Variants in LRRC63 observed in about 807,000 individuals in gnomAD.
LRRC63 encodes leucine-rich repeat-containing protein 63.
A neutral mutation model predicts 49.5 loss-of-function variants in LRRC63; 40 were observed. The observed-to-expected ratio is 0.81, with a 90% CI of 0.63 to 1.05. The LOEUF (loss-of-function observed/expected upper bound fraction) is 1.05, where lower values mean the gene tolerates loss of function less well. LRRC63 is among the 50% of genes least tolerant of loss of function. LRRC63 has a pLI of 0.00. For synonymous variants in LRRC63, 191 were observed against 221.1 expected (o/e 0.86, Z 1.21); for missense variants, 636 against 663.1 (o/e 0.96, Z 0.45).
chr13:46,241,973 T>C (rs980809784), intron 5 of LRRC63, among the ~76,000 whole-genome samples: 13 of 152,178 alleles, frequency 8.5e-5, no homozygotes, highest in Non-Finnish European at 1.8e-4. Flanking sequence ...ACTGGGTATA[T>C]ACCCAAACCA....
chr13:46,255,392 G>C (rs1004310416), intron 7 of LRRC63, among the ~76,000 whole-genome samples: 3 of 152,046 alleles, frequency 2.0e-5, no homozygotes, highest in Non-Finnish European at 4.4e-5. Context: ...AATTAATGCT[G>C]CTGAATGGCA....
rs148859845 is a variant in LRRC63, at chr13:46,260,520, C to T, written c.1227-1389C>T. Among the ~76,000 whole-genome samples the T allele has an allele frequency of 5.9e-5, 9 of 152,198 alleles. No homozygotes were observed. In the East Asian group the frequency reaches 1.5e-3, roughly 26 times the overall value. ...ATGTATAGAAATATGAAATTGAATC[C>T]GTGCCCTCTAGAAGCTCATAATTTT... On this transcript the variant is annotated intron_variant, in intron 7 of 9. Transcript: ENST00000595396.
At chr13:46,268,046 G>T (rs568851490) in intron 9 of LRRC63, among the ~76,000 whole-genome samples, 1 of 152,160 alleles carries the variant, frequency 6.6e-6, no homozygotes, top group South Asian at 2.1e-4. Context: ...ACAGCTTAAA[G>T]AAATTTCCAA....
chr13:46,270,398 G>T (rs1242090864), intron 9 of LRRC63: 1 of 832,924 alleles, frequency 1.2e-6, no homozygotes, highest in Non-Finnish European at 2.1e-6. Flanking sequence ...AGATGGCGAA[G>T]AATATACTGT....
In LRRC63 at chr13:46,234,354, G is replaced by A; in HGVS notation, c.990+5G>A. ...AGAAATGCACTTAATCTGAAGGTAT[G>A]CTAGATCTTTTTAATGACAGTGCCC... is the stretch of plus-strand genomic sequence containing the variant. On this transcript the variant is annotated splice_donor_5th_base_variant and intron_variant, in intron 5 of 9. Coordinates refer to ENST00000595396, the Ensembl canonical transcript of LRRC63. The A allele has an allele frequency of 1.3e-6, 2 of 1,548,280 alleles. No individual in the cohort carries two copies. Among genetic ancestry groups the A allele is most frequent in the Non-Finnish European group, 1.7e-6 (2 of 1,145,578 alleles).
intron 8 of LRRC63, among the ~76,000 whole-genome samples, chr13:46,263,498 T>C (rs913759311): frequency 2.6e-5 from 4 of 152,174 alleles, no homozygotes; most frequent in African/African-American, 9.7e-5. Context: ...ATCTTTCCTT[T>C]TCCCAAACTC....
chr13:46,276,327 C>T (rs2047836235), intron 9 of LRRC63, among the ~76,000 whole-genome samples: 1 of 151,824 alleles, frequency 6.6e-6, no homozygotes, highest in African/African-American at 2.4e-5. Context: ...TAACTATTTT[C>T]AATTTGGGAT....
intron 2 of LRRC63, among the ~76,000 whole-genome samples, chr13:46,220,502 G>GT (rs1165711962): frequency 1.3e-5 from 2 of 152,198 alleles, no homozygotes; most frequent in Non-Finnish European, 2.9e-5. Flanking sequence ...TGTGCTGGCA[G>GT]TGAGAGTTGC....
chr13:46,270,319 C>G (rs2047739111), intron 9 of LRRC63: 1 of 848,370 alleles, frequency 1.2e-6, no homozygotes, highest in South Asian at 1.3e-5. Flanking sequence ...AGAACAAGGT[C>G]TCTGGGAAAT....
Position 46,252,464 on chromosome 13 carries a change from T to C in LRRC63, c.1226+1973T>C, listed in dbSNP as rs542453436. Among the ~76,000 whole-genome samples the C allele has an allele frequency of 6.0e-4, 92 of 152,196 alleles. 1 individual carries two copies. The highest frequency in any genetic ancestry group is 2.1e-3 in the African/African-American group (89 of 41,576). ...TTTGAATGTTATACTTTCATTCTTGTAATTAATTCAGCAGATGTTCATGAA... is the reference window on the plus strand; with the variant it reads ...TTTGAATGTTATACTTTCATTCTTGCAATTAATTCAGCAGATGTTCATGAA... On this transcript the variant is annotated intron_variant, in intron 7 of 9. Coordinates refer to ENST00000595396, the Ensembl canonical transcript of LRRC63.
intron 2 of LRRC63, among the ~76,000 whole-genome samples, chr13:46,219,572 T>C (rs1566467719): frequency 6.6e-6 from 1 of 152,230 alleles, no homozygotes; most frequent in Non-Finnish European, 1.5e-5. Context: ...AGGAGTTTAT[T>C]ATTATCCACC....
At chr13:46,262,375 G>A (rs1306114690) in intron 8 of LRRC63, among the ~76,000 whole-genome samples, 1 of 152,124 alleles carries the variant, frequency 6.6e-6, no homozygotes, top group East Asian at 1.9e-4. Context: ...ATAAAAGTCT[G>A]AAGTTTATCT....
At chr13:46,218,594 T>C (rs763850209) in intron 2 of LRRC63, among the ~76,000 whole-genome samples, 11 of 152,318 alleles carry the variant, frequency 7.2e-5, no homozygotes, top group Non-Finnish European at 1.5e-4. Context: ...GCATTTAGCC[T>C]ATTTACATTT....
intron 7 of LRRC63, among the ~76,000 whole-genome samples, chr13:46,255,244 A>G (rs1283693752): frequency 6.6e-6 from 1 of 152,134 alleles, no homozygotes; most frequent in Non-Finnish European, 1.5e-5. Flanking sequence ...AGTGGAATAT[A>G]GGTTACTGGG....
intron 2 of LRRC63, among the ~76,000 whole-genome samples, 177 bp from the exon 3 acceptor site, chr13:46,227,335 C>T (rs982367911): frequency 6.6e-6 from 1 of 152,176 alleles, no homozygotes; most frequent in Non-Finnish European, 1.5e-5. Context: ...CGGTTGCTCA[C>T]TCAAACTTTA....
intron 8 of LRRC63, among the ~76,000 whole-genome samples, chr13:46,264,958 A>T (rs1333466553): frequency 6.6e-6 from 1 of 152,102 alleles, no homozygotes; most frequent in African/African-American, 2.4e-5. Flanking sequence ...GGCATTCAAG[A>T]CTAGCCTGGC....
intron 2 of LRRC63, among the ~76,000 whole-genome samples, chr13:46,220,971 G>C (rs1246700232): frequency 6.6e-6 from 1 of 152,136 alleles, no homozygotes; most frequent in African/African-American, 2.4e-5. Context: ...TACCCAATCA[G>C]ACTGCCTTTT....
exon 1 of LRRC63, chr13:46,212,015 G>T (rs900428127): frequency 1.3e-5 from 2 of 152,424 alleles, no homozygotes; most frequent in African/African-American, 4.8e-5. Context: ...GCTTCTTCGG[G>T]AACAGCCTCC....
At chr13:46,221,424 T>C (rs1019301127) in intron 2 of LRRC63, among the ~76,000 whole-genome samples, 3 of 152,210 alleles carry the variant, frequency 2.0e-5, no homozygotes, top group African/African-American at 7.2e-5. Flanking sequence ...TAGATCCTGT[T>C]CACTTAGATT....
Sources: gnomAD v4.1 joint callset for allele counts (sites outside exome capture counted in the v4.1 genomes callset) on GRCh38, gnomAD v4.1.1 for gene constraint, MANE v1.5 for transcripts, NCBI Gene and HGNC (gene_info 2026-07-23, HGNC 2026-07-21) for gene names.